Variants in SYT13 observed in about 807,000 individuals in gnomAD.
SYT13 encodes the protein synaptotagmin-13.
A neutral mutation model predicts 38.6 loss-of-function variants in SYT13; 21 were observed. The observed-to-expected ratio is 0.54, with a 90% CI of 0.39 to 0.78. The LOEUF is 0.78. Ranked by LOEUF, SYT13 falls within the 30% of genes least tolerant of loss-of-function variation. The probability of loss-of-function intolerance (pLI) is 0.00; values close to 1 mark genes in which losing one functional copy is unlikely to be tolerated. For missense variants in SYT13, 495 were observed against 548.7 expected, an observed-to-expected ratio of 0.90 and a Z score of 0.98; for synonymous variants, 241 against 237.6, an observed-to-expected ratio of 1.01 and a Z score of -0.13.
chr11:45,263,105 C>T (rs533522925), intron 1 of SYT13, among the ~76,000 whole-genome samples: 100 of 152,316 alleles, frequency 6.6e-4, no homozygotes, highest in African/African-American at 2.3e-3. Context: ...GTAGCACAGA[C>T]GCCTCCGGCT....
At chr11:45,283,941 A>T (rs972135107) in intron 1 of SYT13, among the ~76,000 whole-genome samples, 2 of 152,276 alleles carry the variant, frequency 1.3e-5, no homozygotes, top group Non-Finnish European at 2.9e-5. Context: ...AGTGCCATAA[A>T]AGGATTTGTT....
At chr11:45,259,522 A>G (rs1368995542) in intron 1 of SYT13, among the ~76,000 whole-genome samples, 1 of 152,028 alleles carries the variant, frequency 6.6e-6, no homozygotes, top group Non-Finnish European at 1.5e-5. Context: ...TAACCTCAGG[A>G]GCTTGTTACC....
At chr11:45,258,131 A>G (rs1854770656) in intron 1 of SYT13, among the ~76,000 whole-genome samples, 1 of 152,228 alleles carries the variant, frequency 6.6e-6, no homozygotes, top group African/African-American at 2.4e-5. Flanking sequence ...TGGTGAGGGC[A>G]GCAGCAGAGT....
chr11:45,244,167 G>C lies in SYT13; in HGVS notation c.1166C>G (p.Ala389Gly). ...LGQDDSGQSC[A>G]LGHCSLGLHT... ...CAGGCCCAGGCTGCAGTGGCCAAGC[G>C]CACAGCTCTGCCCTGAATCGTCCTG... The change falls in exon 6 of 6, where the codon GCG becomes GGG. Residue 389 changes from alanine (A) to glycine (G), a missense_variant. Ala to Gly is a moderately conservative substitution (Grantham distance 60, BLOSUM62 0). Transcript: ENST00000020926. 1 of 1,613,970 alleles carries C rather than the reference G, an allele frequency of 6.2e-7. No individual in the cohort carries two copies. The highest frequency in any genetic ancestry group is 2.2e-5 in the East Asian group (1 of 44,882).
intron 1 of SYT13, chr11:45,258,482 A>G (rs747901418): frequency 2.6e-5 from 4 of 152,114 alleles, no homozygotes; most frequent in Non-Finnish European, 5.9e-5. Context: ...CCACATTCTG[A>G]GTTGCTTTTT....
chr11:45,249,592 C>T (rs1477860855), intron 4 of SYT13, among the ~76,000 whole-genome samples: 1 of 152,182 alleles, frequency 6.6e-6, no homozygotes, highest in Non-Finnish European at 1.5e-5. Context: ...AGATCATGTC[C>T]TTTGCAGGGA....
intron 1 of SYT13, among the ~76,000 whole-genome samples, chr11:45,262,720 ATC>A (rs1854832652): frequency 2.5e-5 from 2 of 79,846 alleles, no homozygotes; most frequent in East Asian, 4.6e-4. Flanking sequence ...GGGAGATCCT[ATC>A]ACACACACAC....
At chr11:45,265,480 T>C (rs1248167032) in intron 1 of SYT13, among the ~76,000 whole-genome samples, 1 of 152,186 alleles carries the variant, frequency 6.6e-6, no homozygotes, top group African/African-American at 2.4e-5. Flanking sequence ...AAACTTACCG[T>C]AAACTGGGTA....
At chr11:45,251,931 A>G (rs1028226025) in intron 4 of SYT13, among the ~76,000 whole-genome samples, 12 of 152,154 alleles carry the variant, frequency 7.9e-5, no homozygotes, top group African/African-American at 1.7e-4. Context: ...TCTCTCTTAC[A>G]TGGCTCAGGG....
intron 1 of SYT13, among the ~76,000 whole-genome samples, chr11:45,265,447 C>CT (rs765536305): frequency 1.6e-4 from 25 of 152,344 alleles, no homozygotes; most frequent in South Asian, 4.1e-4. Context: ...ACATCAACCC[C>CT]TATCTCAGTT....
In SYT13 at chr11:45,286,215, G is replaced by A. The variant is rs1309376085; in HGVS notation, c.-8C>T. 6.5e-7 allele frequency: 1 copy of A among 1,539,034 alleles called. No homozygotes were observed. The highest frequency in any genetic ancestry group is 8.7e-7 in the Non-Finnish European group (1 of 1,144,794). ...AGGCACCGACAGCACCATGGTGCCC[G>A]CTCCCGGCGAGGGGCTGGGTCCCGC... On this transcript the variant is annotated 5_prime_UTR_variant, in exon 1 of 6. Coordinates refer to ENST00000020926, the MANE Select transcript of SYT13 (RefSeq NM_020826.3).
Position 45,255,901 on chromosome 11 carries a change from C to CA in SYT13, c.184-11dup. On this transcript the variant is annotated splice_polypyrimidine_tract_variant and intron_variant, in intron 1 of 5. Transcript: ENST00000020926. ...ACTTTTTAACATTGAACTGCAAACA[C>CA]AAATTACTCTGATTAGTCCACAAAG... The CA allele has an allele frequency of 6.2e-7, 1 of 1,613,858 alleles. No homozygotes were observed. The highest frequency in any genetic ancestry group is 8.5e-7 in the Non-Finnish European group (1 of 1,179,800).
rs1855131407 is a variant in SYT13, at chr11:45,286,052, C to T, written c.156G>A (p.Lys52=). The T allele has an allele frequency of 1.9e-6, 3 of 1,609,302 alleles. No individual in the cohort carries two copies. Among genetic ancestry groups the T allele is most frequent in the Non-Finnish European group, 1.7e-6 (2 of 1,179,614 alleles). ...GTTGTGCAGACCCGAGCAAGCTGGG[C>T]TTCGCCTTCTCCAGGTCGGGGTCCT... ...RDQDPDLEKA[K]PSLLGSAQQF... is the part of the protein sequence containing the mutation. The change falls in exon 1 of 6, where the codon AAG becomes AAA. Residue 52 remains lysine (K), a synonymous_variant. Coordinates refer to ENST00000020926, the MANE Select transcript of SYT13 (RefSeq NM_020826.3).
Position 45,245,076 on chromosome 11 carries a change from G to A in SYT13, c.977-720C>T, listed in dbSNP as rs569979279. On this transcript the variant is annotated intron_variant, in intron 5 of 5. Coordinates refer to ENST00000020926, the MANE Select transcript of SYT13 (RefSeq NM_020826.3). ...CTGGTTGGTTGAGTTCTTCTCATCC[G>A]TACTTTTTAAAGTTTTATTTGAAGA... Among the ~76,000 whole-genome samples, 91 of 152,300 alleles carry A rather than the reference G, an allele frequency of 6.0e-4. 1 individual carries two copies. The highest frequency in any genetic ancestry group is 2.8e-4 in the Non-Finnish European group (19 of 68,034).
rs1228931193 is a variant in SYT13, at chr11:45,262,756, CACACACACACACAA to C, written c.184-6879_184-6866del. Among the ~76,000 whole-genome samples, 118 of 137,200 alleles carry C rather than the reference CACACACACACACAA, an allele frequency of 8.6e-4. 1 individual carries two copies. The South Asian group carries it at 9.4e-3, about 11-fold the overall frequency. The allele number at this position is 137,200 out of a possible 152,430, so 90.0% of individuals were successfully genotyped here. ...ACACACACACACACACACACACACA[CACACACACACACAA>C]ATTGAACTGTACACTTAAAAATGGT... On this transcript the variant is annotated intron_variant, in intron 1 of 5. Transcript: ENST00000020926.
At chr11:45,251,585 G>A (rs1936992665) in intron 4 of SYT13, among the ~76,000 whole-genome samples, 1 of 152,054 alleles carries the variant, frequency 6.6e-6, no homozygotes, top group Admixed American at 6.5e-5. Flanking sequence ...GTTTCCTCAA[G>A]GAACCACAGT....
At chr11:45,246,027 C>T (rs1854609954) in intron 5 of SYT13, among the ~76,000 whole-genome samples, 1 of 152,140 alleles carries the variant, frequency 6.6e-6, no homozygotes, top group African/African-American at 2.4e-5. Flanking sequence ...TCCCGACAGC[C>T]CAGGCCCTTC....
chr11:45,246,655 C>A, intron 4 of SYT13, 143 bp from the exon 5 acceptor site: 1 of 1,220,236 alleles, frequency 8.2e-7, no homozygotes, highest in Non-Finnish European at 1.1e-6. Context: ...GCTGGGGTGT[C>A]CACCCTTGCA....
chr11:45,255,680 A>G lies in SYT13; in HGVS notation c.395T>C (p.Ile132Thr), dbSNP rs1463391926. ...LKRQVTEELF[I>T]LPQNGVVEDV... ...GAGACCCCTACCATTCTGAGGGAGG[A>G]TGAACAGCTCCTCTGTGACCTGCCT... The change falls in exon 2 of 6, where the codon ATC (isoleucine) becomes ACC (threonine). Residue 132 changes from isoleucine (I) to threonine (T), a missense_variant. By Grantham distance (89) the Ile-to-Thr change is moderately conservative (BLOSUM62 -1). Transcript: ENST00000020926. 1.2e-6 allele frequency: 2 copies of G among 1,613,968 alleles called. No homozygotes were observed. The highest frequency in any genetic ancestry group is 1.7e-6 in the Non-Finnish European group (2 of 1,179,992).
Sources: gnomAD v4.1 joint callset for allele counts (sites outside exome capture counted in the v4.1 genomes callset) on GRCh38, gnomAD v4.1.1 for gene constraint, MANE v1.5 for transcripts, NCBI Gene and HGNC (gene_info 2026-07-23, HGNC 2026-07-21) for gene names.